The following TANC2 variants were observed in gnomAD, a reference collection of about 807,000 sequenced individuals.
TANC2 encodes tetratricopeptide repeat, ankyrin repeat and coiled-coil containing 2.
In TANC2, 26 loss-of-function variants were observed where a neutral mutation model predicts 210.5. The observed-to-expected ratio is 0.12, with a 90% CI of 0.09 to 0.17. The LOEUF is 0.17. TANC2 is among the 10% of genes least tolerant of loss of function. The probability of loss-of-function intolerance (pLI) is 1.00; values close to 1 mark genes in which losing one functional copy is unlikely to be tolerated. For missense variants in TANC2, 2,129 were observed against 2,608.9 expected (o/e 0.82, Z 4.01); for synonymous variants, 931 against 967.1 (o/e 0.96, Z 0.69).
intron 12 of TANC2, among the ~76,000 whole-genome samples, chr17:63,345,399 C>T (rs1168598337): frequency 6.6e-6 from 1 of 152,132 alleles, no homozygotes; most frequent in Admixed American, 6.5e-5. Flanking sequence ...GCAGGTGGAT[C>T]ACCTGAGGTC....
chr17:63,002,300 G>C (rs1309640005), intron 1 of TANC2, among the ~76,000 whole-genome samples: 1 of 152,142 alleles, frequency 6.6e-6, no homozygotes, highest in Admixed American at 6.5e-5. Context: ...CTGGAGAAGT[G>C]GGGGAGCATC....
At chr17:63,001,213 G>A (rs2033364178) in intron 1 of TANC2, among the ~76,000 whole-genome samples, 1 of 152,150 alleles carries the variant, frequency 6.6e-6, no homozygotes. Flanking sequence ...GAAGTTCTAA[G>A]TAAGCCTAGA....
chr17:63,410,345 C>A (rs112158803), intron 21 of TANC2, among the ~76,000 whole-genome samples: 8 of 146,662 alleles, frequency 5.5e-5, no homozygotes, highest in African/African-American at 1.8e-4. Flanking sequence ...AATCCCCCCC[C>A]CCCATCTCCT....
chr17:63,266,877 G>C (rs1051178351), intron 8 of TANC2, among the ~76,000 whole-genome samples: 9 of 151,848 alleles, frequency 5.9e-5, no homozygotes, highest in African/African-American at 1.9e-4. Context: ...TTTGAAACAG[G>C]GTCTCTCTGT....
At chr17:63,346,822 A>C (rs1196762009) in intron 12 of TANC2, among the ~76,000 whole-genome samples, 1 of 151,848 alleles carries the variant, frequency 6.6e-6, no homozygotes, top group African/African-American at 2.4e-5. Context: ...CTCCCACCTC[A>C]GCCTTCTGAG....
At chr17:63,269,436 T>A (rs1025332702) in intron 9 of TANC2, among the ~76,000 whole-genome samples, 3 of 152,146 alleles carry the variant, frequency 2.0e-5, no homozygotes, top group African/African-American at 7.2e-5. Context: ...ACAGCCGTAA[T>A]AAAGAAGATT....
chr17:63,306,627 C>A (rs939498658), intron 9 of TANC2, among the ~76,000 whole-genome samples: 1 of 152,132 alleles, frequency 6.6e-6, no homozygotes, highest in Non-Finnish European at 1.5e-5. Flanking sequence ...ATGATAAATT[C>A]TCCAAGAGAA....
intron 2 of TANC2, among the ~76,000 whole-genome samples, chr17:63,033,908 G>A (rs1219816917): frequency 6.6e-6 from 1 of 152,070 alleles, no homozygotes; most frequent in African/African-American, 2.4e-5. Context: ...TTTTTATTTT[G>A]GTGTTCGGTT....
intron 11 of TANC2, among the ~76,000 whole-genome samples, chr17:63,339,884 T>G (rs2046169249): frequency 6.6e-6 from 1 of 152,200 alleles, no homozygotes; most frequent in Admixed American, 6.5e-5. Flanking sequence ...ATGCATACAA[T>G]AGAAGTATCA....
intron 21 of TANC2, among the ~76,000 whole-genome samples, chr17:63,411,058 A>G (rs915357256): frequency 1.3e-5 from 2 of 152,024 alleles, no homozygotes; most frequent in African/African-American, 4.8e-5. Flanking sequence ...GAGAATGAGA[A>G]GTGAGGCAAG....
At chr17:63,139,172 TC>T (rs1157099069) in intron 4 of TANC2, among the ~76,000 whole-genome samples, 1 of 152,244 alleles carries the variant, frequency 6.6e-6, no homozygotes, top group African/African-American at 2.4e-5. Flanking sequence ...ACTTGTTATC[TC>T]CCAATTCTCT....
intron 5 of TANC2, among the ~76,000 whole-genome samples, chr17:63,167,884 C>CAAAAAAAAAAAAAAAAAA (rs760465295): frequency 1.6e-5 from 1 of 63,992 alleles, no homozygotes; most frequent in Admixed American, 2.2e-4. Flanking sequence ...GACTCTGTCT[C>CAAAAAAAAAAAAAAAAAA]AAAAAAAAAA....
At chr17:63,001,275 A>G (rs1040053669) in intron 1 of TANC2, among the ~76,000 whole-genome samples, 3 of 152,122 alleles carry the variant, frequency 2.0e-5, no homozygotes, top group Non-Finnish European at 2.9e-5. Context: ...TACAATTTTC[A>G]TGCCTTTTCT....
At position 63,379,863 on chromosome 17, in the gene TANC2, C is replaced by T. The variant is rs758077615; in HGVS notation, c.2691+37C>T. 4 of 1,531,518 alleles carry T rather than the reference C, an allele frequency of 2.6e-6. No individual in the cohort carries two copies. The South Asian group carries it at 4.6e-5, about 17-fold the overall frequency. 94.9% of individuals were successfully genotyped at this position (1,531,518 alleles called of 1,614,324 possible). A position where few individuals can be genotyped will look rare whatever the true frequency, so the allele number is the denominator to read the frequency against. On this transcript the variant is annotated intron_variant, in intron 15 of 27. Transcript: ENST00000689528. ...AGTTGGAACCATTTTTCCGCCATCT[C>T]TAGCAGACTTTCATATGCTTTATGT...
intron 14 of TANC2, among the ~76,000 whole-genome samples, chr17:63,376,944 A>G (rs562137007): frequency 2.0e-5 from 3 of 151,934 alleles, no homozygotes; most frequent in African/African-American, 7.2e-5. Context: ...CAGTCTCCCA[A>G]GTAGCTGGGA....
chr17:63,330,235 T>A (rs188280417), intron 11 of TANC2, among the ~76,000 whole-genome samples: 1 of 152,246 alleles, frequency 6.6e-6, no homozygotes, highest in Admixed American at 6.5e-5. Flanking sequence ...GTAACAGAGG[T>A]TGATTCATGA....
At chr17:63,004,140 T>G (rs2033507161) in intron 1 of TANC2, among the ~76,000 whole-genome samples, 1 of 152,226 alleles carries the variant, frequency 6.6e-6, no homozygotes, top group Non-Finnish European at 1.5e-5. Context: ...GTTTAACAAC[T>G]TTTCATGAGC....
At chr17:63,160,921 T>A (rs1334768108) in intron 5 of TANC2, among the ~76,000 whole-genome samples, 1 of 152,242 alleles carries the variant, frequency 6.6e-6, no homozygotes, top group Non-Finnish European at 1.5e-5. Flanking sequence ...TATTTTTGGC[T>A]TTTATAGTCT....
At chr17:63,235,378 A>C (rs2042592598) in intron 7 of TANC2, among the ~76,000 whole-genome samples, 1 of 152,060 alleles carries the variant, frequency 6.6e-6, no homozygotes, top group Non-Finnish European at 1.5e-5. Context: ...TAAATACGGG[A>C]ACTTATCTTC....
Sources: gnomAD v4.1 joint callset for allele counts (sites outside exome capture counted in the v4.1 genomes callset) on GRCh38, gnomAD v4.1.1 for gene constraint, MANE v1.5 for transcripts, NCBI Gene and HGNC (gene_info 2026-07-23, HGNC 2026-07-21) for gene names.